Variants in PPP4R4 observed in about 807,000 individuals in gnomAD.
PPP4R4 encodes the protein serine/threonine-protein phosphatase 4 regulatory subunit 4.
In PPP4R4, 70 loss-of-function variants were observed where a neutral mutation model predicts 121.8. That is an observed-to-expected ratio of 0.57 (90% CI 0.47 to 0.70). The LOEUF (loss-of-function observed/expected upper bound fraction) is 0.70. Among genes scored for constraint, PPP4R4 ranks in the 30% least tolerant of loss-of-function variants. PPP4R4 has a pLI of 0.00. For synonymous variants in PPP4R4, 348 were observed against 355.7 expected (o/e 0.98, Z 0.24); for missense variants, 875 against 1,033.6 (o/e 0.85, Z 2.10).
At chr14:94,196,269 A>G (rs531458063) in intron 2 of PPP4R4, among the ~76,000 whole-genome samples, 1 of 126,218 alleles carries the variant, frequency 7.9e-6, no homozygotes, top group African/African-American at 3.0e-5. Flanking sequence ...TCTATCTTAT[A>G]TATTACTTTC....
At chr14:94,240,061 G>A (rs1892545873) in intron 8 of PPP4R4, among the ~76,000 whole-genome samples, 1 of 152,136 alleles carries the variant, frequency 6.6e-6, no homozygotes, top group African/African-American at 2.4e-5. Context: ...TAAGAAAACT[G>A]TGAGAAATTT....
chr14:94,219,637 T>C (rs1891275298), intron 3 of PPP4R4, among the ~76,000 whole-genome samples: 1 of 152,164 alleles, frequency 6.6e-6, no homozygotes, highest in Non-Finnish European at 1.5e-5. Flanking sequence ...AGGATAATAA[T>C]ACATTATGAC....
At chr14:94,261,779 G>T (rs1893797443) in intron 19 of PPP4R4, among the ~76,000 whole-genome samples, 1 of 151,894 alleles carries the variant, frequency 6.6e-6, no homozygotes. Context: ...AATGGTTGTT[G>T]CATTTTGTTG....
chr14:94,190,782 A>G (rs761198510), intron 2 of PPP4R4, among the ~76,000 whole-genome samples: 2 of 152,118 alleles, frequency 1.3e-5, no homozygotes, highest in Non-Finnish European at 2.9e-5. Context: ...ATACCTTTCA[A>G]TATTCCTGCT....
chr14:94,248,041 T>C (rs1440151270), intron 14 of PPP4R4, among the ~76,000 whole-genome samples: 2 of 152,114 alleles, frequency 1.3e-5, no homozygotes, highest in African/African-American at 4.8e-5. Flanking sequence ...CTATTAAACA[T>C]AGTACTAGAA....
At position 94,174,445 on chromosome 14, in the gene PPP4R4, G is replaced by T. The variant is rs1250770045; in HGVS notation, c.-21G>T. 3 of 1,558,662 alleles carry T rather than the reference G, an allele frequency of 1.9e-6. No individual in the cohort carries two copies. In the South Asian group the frequency reaches 3.5e-5, roughly 18 times the overall value. On this transcript the variant is annotated 5_prime_UTR_variant, in exon 1 of 25. Transcript: ENST00000304338. ...ATCCCGGGGCCGCTCCGGCCCGGGC[G>T]GCGAGAGTGCCCGGCGGTCCATGCA... is the stretch of plus-strand genomic sequence containing the variant.
intron 3 of PPP4R4, among the ~76,000 whole-genome samples, chr14:94,221,918 G>T (rs2040534577): frequency 6.6e-6 from 1 of 152,014 alleles, no homozygotes; most frequent in African/African-American, 2.4e-5. Context: ...AGCTTTACTT[G>T]TTATAGCTAA....
At chr14:94,183,910 G>A (rs1889121090) in intron 2 of PPP4R4, among the ~76,000 whole-genome samples, 1 of 151,400 alleles carries the variant, frequency 6.6e-6, no homozygotes, top group African/African-American at 2.4e-5. Flanking sequence ...AATATATAAA[G>A]CAATATAAAA....
intron 3 of PPP4R4, chr14:94,227,588 A>G: frequency 3.9e-6 from 5 of 1,294,042 alleles, no homozygotes; most frequent in South Asian, 2.3e-5. Context: ...GTTGGGGCAA[A>G]TGTTGCTGCG....
At chr14:94,227,995 C>A in intron 3 of PPP4R4, 1 of 552,850 alleles carries the variant, frequency 1.8e-6, no homozygotes, top group Non-Finnish European at 2.3e-6. Context: ...GCTGCTTCTG[C>A]TTTATACTTT....
Position 94,255,367 on chromosome 14 carries a change from G to A in PPP4R4, c.1866-1093G>A, listed in dbSNP as rs1893413282. Among the ~76,000 whole-genome samples the A allele has an allele frequency of 2.0e-5, 3 of 152,200 alleles. 1 individual carries two copies. On this transcript the variant is annotated intron_variant, in intron 16 of 24. Transcript: ENST00000304338. ...TAATCCCAGCACTTTGGGAGGCCAA[G>A]GCAGGCGGATCACAAGTTCAGGAGA...
At chr14:94,259,974 G>A (rs1893687386) in intron 19 of PPP4R4, among the ~76,000 whole-genome samples, 1 of 151,980 alleles carries the variant, frequency 6.6e-6, no homozygotes, top group African/African-American at 2.4e-5. Flanking sequence ...TGGACATTTG[G>A]CTTACTTCTA....
At chr14:94,271,024 T>A (rs1267316920) in intron 23 of PPP4R4, among the ~76,000 whole-genome samples, 1 of 152,030 alleles carries the variant, frequency 6.6e-6, no homozygotes, top group African/African-American at 2.4e-5. Flanking sequence ...GAAATTGAAT[T>A]GGTAATTAAT....
Position 94,239,100 on chromosome 14 carries a change from T to C in PPP4R4, c.853+1414T>C, listed in dbSNP as rs555410456. Among the ~76,000 whole-genome samples, 6 of 152,254 alleles carry C rather than the reference T, an allele frequency of 3.9e-5. No homozygotes were observed. In the South Asian group the frequency reaches 1.2e-3, roughly 32 times the overall value. ...ATGCTCCAGTCCCACTTCCTTAGCA[T>C]ACCAGATTCTTTCACACCTCTAGTC... On this transcript the variant is annotated intron_variant, in intron 8 of 24. Transcript: ENST00000304338.
At chr14:94,176,913 C>T (rs572555921) in intron 2 of PPP4R4, among the ~76,000 whole-genome samples, 3 of 151,048 alleles carry the variant, frequency 2.0e-5, no homozygotes, top group African/African-American at 7.3e-5. Context: ...TTTTTTTTTC[C>T]AGAATCAGGT....
At chr14:94,214,730 AGT>A (rs763622905) in intron 3 of PPP4R4, among the ~76,000 whole-genome samples, 5 of 152,196 alleles carry the variant, frequency 3.3e-5, no homozygotes, top group Non-Finnish European at 7.3e-5. Context: ...AGCATAGTTA[AGT>A]GAACAAACAA....
chr14:94,254,190 C>T (rs1956162), intron 16 of PPP4R4, among the ~76,000 whole-genome samples: 30,706 of 152,088 alleles, frequency 0.2, 3,625 homozygotes, highest in East Asian at 0.59. Context: ...TGAATCATTA[C>T]GATGGCTTGG....
intron 3 of PPP4R4, among the ~76,000 whole-genome samples, chr14:94,215,221 C>T (rs886581553): frequency 3.3e-5 from 5 of 151,946 alleles, no homozygotes; most frequent in East Asian, 1.9e-4. Flanking sequence ...TTTTACAGTT[C>T]GGAAAATCTA....
chr14:94,278,018 G>T (rs1894734581), intron 24 of PPP4R4, among the ~76,000 whole-genome samples: 1 of 152,156 alleles, frequency 6.6e-6, no homozygotes, highest in Admixed American at 6.5e-5. Context: ...CTGGATGGGT[G>T]ATGATATCCA....
Sources: allele counts gnomAD v4.1 joint callset (sites outside exome capture counted in the v4.1 genomes callset), GRCh38; gene constraint gnomAD v4.1.1; transcripts MANE v1.5; gene names NCBI Gene and HGNC (gene_info 2026-07-23, HGNC 2026-07-21).